The following LRRIQ4 variants were observed in gnomAD, a reference collection of about 807,000 sequenced individuals.
The protein encoded by LRRIQ4 is leucine-rich repeat and IQ domain-containing protein 4.
LRRIQ4 carries 21 observed loss-of-function variants against 40.1 expected under a neutral mutation model. The observed-to-expected ratio is 0.52, with a 90% CI of 0.37 to 0.75. The LOEUF is 0.75. LRRIQ4 is among the 30% of genes least tolerant of loss of function. LRRIQ4 has a pLI of 0.00. For synonymous variants in LRRIQ4, 277 were observed against 277.1 expected, an observed-to-expected ratio of 1.00 and a Z score of 0.00; for missense variants, 655 against 660.0, an observed-to-expected ratio of 0.99 and a Z score of 0.08.
At position 169,816,182 on chromosome 3, in the gene LRRIQ4, T is replaced by C. The variant is rs541280006; in HGVS notation, c.-32+3136T>C. On this transcript the variant is annotated intron_variant, in intron 1 of 5. Transcript: ENST00000340806. ...GGTAATACTGGCCTCATAGAACGAA[T>C]TTGGAAGTAGTTTTTCCTCCTCTAT... is the stretch of plus-strand genomic sequence containing the variant. Among the ~76,000 whole-genome samples, 68 of 152,306 alleles carry C rather than the reference T, an allele frequency of 4.5e-4. 1 individual carries two copies. Among genetic ancestry groups the C allele is most frequent in the African/African-American group, 1.6e-3 (66 of 41,568 alleles).
intron 1 of LRRIQ4, among the ~76,000 whole-genome samples, chr3:169,813,787 G>A (rs530171039): frequency 6.0e-4 from 91 of 152,254 alleles, no homozygotes; most frequent in Non-Finnish European, 1.2e-3. Flanking sequence ...TGCTTTGTGC[G>A]TTTTGTCCAA....
chr3:169,820,520 G>A (rs946498916), intron 1 of LRRIQ4, among the ~76,000 whole-genome samples: 1 of 149,826 alleles, frequency 6.7e-6, no homozygotes, highest in Non-Finnish European at 1.5e-5. Flanking sequence ...GATCCAATTA[G>A]GGGAATATTG....
chr3:169,832,498 G>A (rs1231530799), intron 4 of LRRIQ4, among the ~76,000 whole-genome samples: 1 of 151,292 alleles, frequency 6.6e-6, no homozygotes, highest in Non-Finnish European at 1.5e-5. Flanking sequence ...CAAGTGTGGT[G>A]GCGTGCACCT....
chr3:169,830,851 T>A (rs576030831), intron 4 of LRRIQ4, among the ~76,000 whole-genome samples: 37 of 152,342 alleles, frequency 2.4e-4, no homozygotes, highest in Non-Finnish European at 4.6e-4. Context: ...TTTATTAAAA[T>A]GGAAAGGTAA....
In LRRIQ4 at chr3:169,837,650, T is replaced by G; in HGVS notation, c.*19T>G. ...GAAATAATCCTGTAAATTGATAAAT[T>G]GGGGTAATGGACCTTGATAGATTAA... On this transcript the variant is annotated 3_prime_UTR_variant, in exon 6 of 6. Coordinates refer to ENST00000340806, the MANE Select transcript of LRRIQ4 (RefSeq NM_001080460.3). 2 of 1,549,148 alleles carry G rather than the reference T, an allele frequency of 1.3e-6. No individual in the cohort carries two copies. Among genetic ancestry groups the G allele is most frequent in the Non-Finnish European group, 1.7e-6 (2 of 1,149,110 alleles).
intron 3 of LRRIQ4, 110 bp from the exon 4 acceptor site, chr3:169,830,382 A>G (rs1417971911): frequency 8.1e-6 from 2 of 247,512 alleles, no homozygotes. Context: ...AAAGTGAAAA[A>G]AAAAAAAAAA....
chr3:169,824,833 G>GA (rs1234118343), intron 2 of LRRIQ4, among the ~76,000 whole-genome samples: 3 of 151,538 alleles, frequency 2.0e-5, no homozygotes, highest in Admixed American at 6.6e-5. Context: ...GATTTAAAAA[G>GA]AAAAAAATAG....
intron 2 of LRRIQ4, among the ~76,000 whole-genome samples, chr3:169,824,095 TACAC>T (rs745540439): frequency 5.9e-5 from 9 of 152,140 alleles, no homozygotes; most frequent in Non-Finnish European, 1.0e-4. Flanking sequence ...TGTATATACA[TACAC>T]ACATATACAC....
rs115988408 is a variant in LRRIQ4, at chr3:169,819,101, A to G, written c.-31-2790A>G. 6.9e-3 allele frequency among the ~76,000 whole-genome samples: 1,045 copies of G among 152,350 alleles called. 16 individuals carry two copies. The highest frequency in any genetic ancestry group is 0.024 in the African/African-American group (996 of 41,584). ...TTAATTTAAAAATCACCCGACCATAATATTGGATTGTAATAATAAGTAAAT... is the reference window on the plus strand; with the variant it reads ...TTAATTTAAAAATCACCCGACCATAGTATTGGATTGTAATAATAAGTAAAT... On this transcript the variant is annotated intron_variant, in intron 1 of 5. Coordinates refer to ENST00000340806, the MANE Select transcript of LRRIQ4 (RefSeq NM_001080460.3).
At position 169,822,465 on chromosome 3, in the gene LRRIQ4, C is replaced by T. The variant is rs1779924342; in HGVS notation, c.544C>T (p.Gln182Ter). 5 of 1,613,974 alleles carry T rather than the reference C, an allele frequency of 3.1e-6. No individual in the cohort carries two copies. The highest frequency in any genetic ancestry group is 2.5e-6 in the Non-Finnish European group (3 of 1,179,876). The stretch of plus-strand genomic sequence containing the variant: ...GCGAAACCAGTTTGAAGTTTTCCCC[C>T]AGGAGCTCTGTGTTCTCTACACCCT... ...LKRNQFEVFP[Q>*]ELCVLYTLEI... is the part of the protein sequence containing the mutation. Residue 182 changes from glutamine to a stop codon, truncating the protein, a stop_gained, in exon 2 of 6, where the codon CAG (glutamine) becomes TAG (stop). Coordinates refer to ENST00000340806, the MANE Select transcript of LRRIQ4 (RefSeq NM_001080460.3). LOFTEE classifies it high-confidence loss of function.
intron 2 of LRRIQ4, among the ~76,000 whole-genome samples, chr3:169,825,676 G>C (rs1780025694): frequency 6.6e-6 from 1 of 152,200 alleles, no homozygotes; most frequent in South Asian, 2.1e-4. Context: ...AATCAAAGGA[G>C]CAAATCACAC....
At position 169,828,803 on chromosome 3, in the gene LRRIQ4, A is replaced by G. The variant is rs1780098490; in HGVS notation, c.1065A>G (p.Gly355=). 2 of 1,613,554 alleles carry G rather than the reference A, an allele frequency of 1.2e-6. No homozygotes were observed. Among genetic ancestry groups the G allele is most frequent in the African/African-American group, 1.3e-5 (1 of 74,910 alleles). The stretch of plus-strand genomic sequence containing the variant: ...CACTTTCAAAACTGAAGATACTTGG[A>G]CTAACAGGAAATGAGTTCCTTTCCT... The part of the protein sequence containing the change: ...LGSLSKLKIL[G]LTGNEFLSFP... Residue 355 remains glycine, a synonymous_variant, in exon 3 of 6, where the codon GGA becomes GGG. Coordinates refer to ENST00000340806, the MANE Select transcript of LRRIQ4 (RefSeq NM_001080460.3).
intron 1 of LRRIQ4, among the ~76,000 whole-genome samples, chr3:169,814,230 G>A (rs958925202): frequency 6.6e-6 from 1 of 152,150 alleles, no homozygotes; most frequent in Non-Finnish European, 1.5e-5. Context: ...AGGGAATGGA[G>A]TGGAAAGGTG....
At chr3:169,813,994 G>A (rs1298259246) in intron 1 of LRRIQ4, among the ~76,000 whole-genome samples, 1 of 152,130 alleles carries the variant, frequency 6.6e-6, no homozygotes, top group Admixed American at 6.5e-5. Context: ...GCCCCAGTAG[G>A]CGTGTGTTAC....
At chr3:169,829,295 G>A (rs1046857540) in intron 3 of LRRIQ4, among the ~76,000 whole-genome samples, 5 of 152,150 alleles carry the variant, frequency 3.3e-5, no homozygotes, top group Non-Finnish European at 7.4e-5. Flanking sequence ...GTGACATGCT[G>A]GGAGCCTACA....
At position 169,831,513 on chromosome 3, in the gene LRRIQ4, A is replaced by G. The variant is rs1230341469; in HGVS notation, c.1333+883A>G. 5.2e-5 allele frequency among the ~76,000 whole-genome samples: 6 copies of G among 114,696 alleles called. No homozygotes were observed. In the Admixed American group the frequency reaches 5.8e-4, roughly 11 times the overall value. The allele number at this position is 114,696 out of a possible 152,430, so 75.2% of individuals were successfully genotyped here. On this transcript the variant is annotated intron_variant, in intron 4 of 5. Coordinates refer to ENST00000340806, the MANE Select transcript of LRRIQ4 (RefSeq NM_001080460.3). ...GAGACGGGGTTTCACTGTGTTAGCC[A>G]GGATGGTCTTGATCTCCTGACCTCG...
At chr3:169,817,835 G>A (rs1014595798) in intron 1 of LRRIQ4, among the ~76,000 whole-genome samples, 3 of 152,042 alleles carry the variant, frequency 2.0e-5, no homozygotes, top group Non-Finnish European at 2.9e-5. Flanking sequence ...TAGGTGAAAT[G>A]TATTTCTTGT....
chr3:169,830,377 GAAAAAAAAAAAAAA>G (rs56795981), intron 3 of LRRIQ4, 101 bp from the exon 4 acceptor site: 2,312 of 106,670 alleles, frequency 0.022, 59 homozygotes, highest in African/African-American at 0.074. Context: ...CACTGAAAGT[GAAAAAAAAAAAAAA>G]AAAAAAAAAA....
At chr3:169,820,535 C>CTTTTT (rs34109206) in intron 1 of LRRIQ4, among the ~76,000 whole-genome samples, 6 of 123,598 alleles carry the variant, frequency 4.9e-5, no homozygotes, top group African/African-American at 1.5e-4. Context: ...ATATTGACAT[C>CTTTTT]TTTTTTTTTT....
Sources: gnomAD v4.1 joint callset for allele counts (sites outside exome capture counted in the v4.1 genomes callset) on GRCh38, gnomAD v4.1.1 for gene constraint, MANE v1.5 for transcripts, NCBI Gene and HGNC (gene_info 2026-07-23, HGNC 2026-07-21) for gene names.